MICU1: variants seen among roughly 807,000 people sequenced by gnomAD.
MICU1 encodes calcium uptake protein 1, mitochondrial.
In MICU1, 45 loss-of-function variants were observed where a neutral mutation model predicts 56.8. The ratio of observed to expected loss-of-function variants is 0.79; its 90% CI spans 0.62 to 1.02. The LOEUF (loss-of-function observed/expected upper bound fraction) is 1.02, where lower values mean the gene tolerates loss of function less well. Ranked by LOEUF, MICU1 falls within the 50% of genes least tolerant of loss-of-function variation. The pLI is 0.00. For synonymous variants in MICU1, 186 were observed against 195.1 expected, an observed-to-expected ratio of 0.95 and a Z score of 0.39; for missense variants, 504 against 587.1, an observed-to-expected ratio of 0.86 and a Z score of 1.46.
Position 72,414,416 on chromosome 10 carries a change from A to C in MICU1, c.1072-6379T>G, listed in dbSNP as rs139070451. On this transcript the variant is annotated intron_variant, in intron 9 of 11. Coordinates refer to ENST00000361114, the MANE Select transcript of MICU1 (RefSeq NM_001195518.2). ...GCATCTACATAAAAATATTGTGCTA[A>C]GTAAAAGAAGCCAGACACAAAAGAC... Among the ~76,000 whole-genome samples the C allele has an allele frequency of 6.4e-3, 968 of 152,316 alleles. 8 individuals are homozygous for C. The highest frequency in any genetic ancestry group is 0.034 in the East Asian group (178 of 5,192).
At chr10:72,377,320 A>G (rs988107913) in intron 10 of MICU1, among the ~76,000 whole-genome samples, 4 of 152,066 alleles carry the variant, frequency 2.6e-5, no homozygotes, top group South Asian at 2.1e-4. Flanking sequence ...GGGTTTCACC[A>G]TGTTGGCCAG....
intron 8 of MICU1, among the ~76,000 whole-genome samples, chr10:72,462,959 C>T (rs1316662157): frequency 6.6e-6 from 1 of 152,134 alleles, no homozygotes; most frequent in African/African-American, 2.4e-5. Flanking sequence ...ACAGGAAAAT[C>T]CTGGGGATTG....
intron 11 of MICU1, 53 bp downstream of exon 11, chr10:72,375,730 C>T: frequency 1.3e-6 from 2 of 1,542,612 alleles, no homozygotes; most frequent in East Asian, 2.3e-5. Flanking sequence ...ACACAAGGGC[C>T]TCTAAGGGCA....
At chr10:72,436,846 AAAGAT>A (rs1230231117) in intron 8 of MICU1, among the ~76,000 whole-genome samples, 2 of 151,664 alleles carry the variant, frequency 1.3e-5, no homozygotes, top group African/African-American at 4.8e-5. Context: ...AATAAAACAA[AAAGAT>A]AAGAGTAAAA....
At chr10:72,492,789 G>GAATAAAATAA (rs71018299) in intron 6 of MICU1, among the ~76,000 whole-genome samples, 13,802 of 135,146 alleles carry the variant, frequency 0.1, 863 homozygotes, top group African/African-American at 0.17. Context: ...AAATAGAATA[G>GAATAAAATAA]AATAAAATAA....
chr10:72,585,039 C>T (rs889229932), intron 1 of MICU1, among the ~76,000 whole-genome samples: 4 of 151,564 alleles, frequency 2.6e-5, no homozygotes, highest in African/African-American at 9.7e-5. Flanking sequence ...TTGTGGAAAA[C>T]CATTTTTTAC....
At chr10:72,449,875 C>T (rs1865240582) in intron 8 of MICU1, among the ~76,000 whole-genome samples, 2 of 152,036 alleles carry the variant, frequency 1.3e-5, no homozygotes, top group Non-Finnish European at 2.9e-5. Context: ...TTGTTGAAAG[C>T]GGGGCTGATA....
intron 10 of MICU1, among the ~76,000 whole-genome samples, chr10:72,383,359 G>A (rs1184181492): frequency 2.6e-5 from 4 of 152,124 alleles, no homozygotes; most frequent in Non-Finnish European, 4.4e-5. Flanking sequence ...CAGTCACCCA[G>A]TCATTCAGAG....
intron 5 of MICU1, among the ~76,000 whole-genome samples, chr10:72,530,280 C>T (rs892057500): frequency 3.3e-5 from 5 of 149,566 alleles, no homozygotes; most frequent in Non-Finnish European, 7.4e-5. Context: ...TTGCAGTGGG[C>T]CGAGATCACG....
chr10:72,573,731 T>C (rs904230606), intron 1 of MICU1, among the ~76,000 whole-genome samples: 3 of 152,302 alleles, frequency 2.0e-5, no homozygotes, highest in Admixed American at 6.5e-5. Context: ...ATTTAAACTT[T>C]TTCATTTAAG....
At chr10:72,567,377 A>C (rs748565582) in intron 1 of MICU1, among the ~76,000 whole-genome samples, 1 of 152,224 alleles carries the variant, frequency 6.6e-6, no homozygotes, top group African/African-American at 2.4e-5. Flanking sequence ...CAGGAAATTT[A>C]CTACTCAGAA....
At chr10:72,489,095 C>A (rs1025949378) in intron 6 of MICU1, among the ~76,000 whole-genome samples, 9 of 152,016 alleles carry the variant, frequency 5.9e-5, no homozygotes, top group African/African-American at 9.7e-5. Context: ...TCAAGACCAG[C>A]GTGGCCAACA....
chr10:72,508,536 T>C (rs1237465393), intron 5 of MICU1: 1 of 232,600 alleles, frequency 4.3e-6, no homozygotes, highest in Non-Finnish European at 8.3e-6. Flanking sequence ...ATTGCACATA[T>C]ACAGGCCCAC....
chr10:72,621,425 G>C (rs1842101886), intron 1 of MICU1, among the ~76,000 whole-genome samples: 3 of 152,080 alleles, frequency 2.0e-5, no homozygotes, highest in African/African-American at 4.8e-5. Context: ...CCAAGAGGCG[G>C]AGGTTGCAGT....
chr10:72,461,413 G>A (rs915387734), intron 8 of MICU1, among the ~76,000 whole-genome samples: 3 of 152,182 alleles, frequency 2.0e-5, no homozygotes, highest in Admixed American at 6.5e-5. Context: ...CCACCTCTGA[G>A]AAAACTGAGC....
chr10:72,568,944 G>A (rs1048602796), intron 1 of MICU1, among the ~76,000 whole-genome samples: 1 of 150,440 alleles, frequency 6.6e-6, no homozygotes, highest in Non-Finnish European at 1.5e-5. Flanking sequence ...AGTAGAGACA[G>A]GGTTTCACCA....
intron 5 of MICU1, among the ~76,000 whole-genome samples, chr10:72,510,175 CATT>C (rs935788301): frequency 1.3e-5 from 2 of 152,100 alleles, no homozygotes; most frequent in Non-Finnish European, 2.9e-5. Context: ...GCAAACCTAA[CATT>C]ATTTTTCTAA....
chr10:72,407,951 C>T lies in MICU1; in HGVS notation c.1158G>A (p.Met386Ile), dbSNP rs772438903. The T allele has an allele frequency of 6.2e-7, 1 of 1,612,766 alleles. No homozygotes were observed. Among genetic ancestry groups the T allele is most frequent in the Non-Finnish European group, 8.5e-7 (1 of 1,179,196 alleles). The change falls in exon 10 of 12, where the codon ATG becomes ATA. Residue 386 changes from methionine (M) to isoleucine (I), a missense_variant. Coordinates refer to ENST00000361114, the MANE Select transcript of MICU1 (RefSeq NM_001195518.2). ...DVDTALSFYHMAGASLDKVTM... is the reference protein window; with the variant it reads ...DVDTALSFYHIAGASLDKVTM... ...TACCTTTATCAAGAGATGCTCCAGC[C>T]ATATGGTAAAAACTCAATGCAGTGT...
At chr10:72,548,687 T>C (rs779444612) in intron 4 of MICU1, among the ~76,000 whole-genome samples, 1 of 152,178 alleles carries the variant, frequency 6.6e-6, no homozygotes, top group African/African-American at 2.4e-5. Context: ...CAACCAAAAA[T>C]TGTATTTCTA....
Sources: gnomAD v4.1 joint callset for allele counts (sites outside exome capture counted in the v4.1 genomes callset) on GRCh38, gnomAD v4.1.1 for gene constraint, MANE v1.5 for transcripts, NCBI Gene and HGNC (gene_info 2026-07-23, HGNC 2026-07-21) for gene names.